The following SLC9A9 variants were observed in gnomAD, a reference collection of about 807,000 sequenced individuals.
The protein encoded by SLC9A9 is solute carrier family 9 member A9.
A neutral mutation model predicts 77.8 loss-of-function variants in SLC9A9; 62 were observed. The ratio of observed to expected loss-of-function variants is 0.80; its 90% confidence interval spans 0.65 to 0.98. The LOEUF (loss-of-function observed/expected upper bound fraction) is 0.98, where lower values mean the gene tolerates loss of function less well. SLC9A9 is among the 50% of genes least tolerant of loss of function. The probability of loss-of-function intolerance (pLI) is 0.00; values close to 1 mark genes in which losing one functional copy is unlikely to be tolerated. For synonymous variants in SLC9A9, 320 were observed against 283.5 expected (o/e 1.13, Z -1.29); for missense variants, 775 against 774.9 (o/e 1.00, Z 0.00).
chr3:143,842,159 T>C (rs1428220467), intron 1 of SLC9A9, among the ~76,000 whole-genome samples: 1 of 152,080 alleles, frequency 6.6e-6, no homozygotes, highest in Non-Finnish European at 1.5e-5. Context: ...GGCAGGCAGA[T>C]CACGAGGTCA....
intron 4 of SLC9A9, among the ~76,000 whole-genome samples, chr3:143,700,749 T>C (rs1462320163): frequency 2.0e-5 from 3 of 152,210 alleles, no homozygotes; most frequent in Non-Finnish European, 4.4e-5. Context: ...CTTGCCACCT[T>C]GAAGGGAAGG....
chr3:143,330,427 T>A (rs774219557), intron 14 of SLC9A9, among the ~76,000 whole-genome samples: 14 of 152,210 alleles, frequency 9.2e-5, no homozygotes, highest in Non-Finnish European at 1.6e-4. Context: ...CGATCTGAAT[T>A]GTGGAATAAA....
chr3:143,682,868 G>A (rs558394308), intron 5 of SLC9A9, among the ~76,000 whole-genome samples: 31 of 152,244 alleles, frequency 2.0e-4, no homozygotes, highest in African/African-American at 7.5e-4. Context: ...AACTTTCAGA[G>A]ACCCATGTGA....
intron 12 of SLC9A9, among the ~76,000 whole-genome samples, chr3:143,455,222 C>T (rs838630): frequency 0.23 from 34,555 of 152,088 alleles, 5,114 homozygotes; most frequent in Non-Finnish European, 0.33. Context: ...AAAATCAATA[C>T]GCCATAGTTG....
At chr3:143,650,115 CAGG>C (rs1288554010) in intron 6 of SLC9A9, among the ~76,000 whole-genome samples, 1 of 152,036 alleles carries the variant, frequency 6.6e-6, no homozygotes, top group African/African-American at 2.4e-5. Context: ...GAGGGCAACC[CAGG>C]AGGAGTGAGC....
At chr3:143,737,243 G>A (rs751488783) in intron 4 of SLC9A9, among the ~76,000 whole-genome samples, 14 of 152,106 alleles carry the variant, frequency 9.2e-5, no homozygotes, top group Non-Finnish European at 1.6e-4. Context: ...TTGGCTCACT[G>A]AAAAATTAGC....
chr3:143,282,681 G>A (rs1219019632), intron 14 of SLC9A9, among the ~76,000 whole-genome samples: 1 of 152,080 alleles, frequency 6.6e-6, no homozygotes, highest in Non-Finnish European at 1.5e-5. Flanking sequence ...AGCCATTTTG[G>A]GCCCAAGAAG....
chr3:143,415,075 C>G (rs1241298728), intron 12 of SLC9A9, among the ~76,000 whole-genome samples: 2 of 152,220 alleles, frequency 1.3e-5, no homozygotes, highest in African/African-American at 4.8e-5. Context: ...AGGCCTAACC[C>G]AGAGGGGGGC....
At chr3:143,445,735 A>G (rs1277090284) in intron 12 of SLC9A9, among the ~76,000 whole-genome samples, 1 of 152,238 alleles carries the variant, frequency 6.6e-6, no homozygotes, top group Non-Finnish European at 1.5e-5. Context: ...AAACTGGCAT[A>G]TACACTAGCC....
intron 14 of SLC9A9, among the ~76,000 whole-genome samples, chr3:143,270,666 T>C (rs112867945): frequency 0.04 from 6,053 of 150,230 alleles, 164 homozygotes; most frequent in Middle Eastern, 0.092. Context: ...ACATTTTTAG[T>C]GATGTCATGT....
chr3:143,448,158 G>A (rs2034878623), intron 12 of SLC9A9, among the ~76,000 whole-genome samples: 1 of 152,120 alleles, frequency 6.6e-6, no homozygotes, highest in African/African-American at 2.4e-5. Context: ...GGTAAGGACA[G>A]CAGAAAATTC....
chr3:143,477,543 C>A (rs73867659), intron 11 of SLC9A9, among the ~76,000 whole-genome samples: 1,763 of 152,064 alleles, frequency 0.012, 33 homozygotes, highest in African/African-American at 0.04. Flanking sequence ...AAGATGGAAG[C>A]AGCCTTGTTA....
chr3:143,427,363 A>G (rs2034425816), intron 12 of SLC9A9, among the ~76,000 whole-genome samples: 5 of 152,248 alleles, frequency 3.3e-5, no homozygotes, highest in Admixed American at 3.3e-4. Flanking sequence ...AGATATAAAT[A>G]TTCAAGCTAC....
chr3:143,563,757 T>C (rs913374474), intron 8 of SLC9A9, among the ~76,000 whole-genome samples: 2 of 152,108 alleles, frequency 1.3e-5, no homozygotes, highest in African/African-American at 4.8e-5. Flanking sequence ...CCAATAAGGG[T>C]CAAGAAACTC....
intron 6 of SLC9A9, among the ~76,000 whole-genome samples, chr3:143,652,032 A>G (rs2038805433): frequency 1.3e-5 from 2 of 152,182 alleles, no homozygotes; most frequent in African/African-American, 4.8e-5. Flanking sequence ...AAAATAAGTT[A>G]CCCTCTAGGT....
At chr3:143,397,068 C>G (rs1451191360) in intron 12 of SLC9A9, among the ~76,000 whole-genome samples, 4 of 152,200 alleles carry the variant, frequency 2.6e-5, no homozygotes, top group Non-Finnish European at 5.9e-5. Flanking sequence ...AAGTACTTAG[C>G]TCTGCCAAGA....
At chr3:143,432,177 G>A (rs180953618) in intron 12 of SLC9A9, among the ~76,000 whole-genome samples, 2 of 152,206 alleles carry the variant, frequency 1.3e-5, no homozygotes, top group Admixed American at 6.5e-5. Flanking sequence ...AGGCATTTTT[G>A]TTTATTTCAA....
chr3:143,638,702 C>T (rs1177653921), intron 6 of SLC9A9, among the ~76,000 whole-genome samples: 1 of 152,184 alleles, frequency 6.6e-6, no homozygotes, highest in East Asian at 1.9e-4. Flanking sequence ...ATTTATCTTC[C>T]AATAGCTGGC....
intron 6 of SLC9A9, among the ~76,000 whole-genome samples, chr3:143,599,861 A>T (rs906847480): frequency 6.6e-6 from 1 of 152,210 alleles, no homozygotes. Flanking sequence ...GCCTCTTTCC[A>T]TTTAAGAAAA....
Sources: allele counts gnomAD v4.1 joint callset (sites outside exome capture counted in the v4.1 genomes callset), GRCh38; gene constraint gnomAD v4.1.1; transcripts MANE v1.5; gene names NCBI Gene and HGNC (gene_info 2026-07-23, HGNC 2026-07-21).